Variants in UBAC2 observed in about 807,000 individuals in gnomAD.
UBAC2 encodes UBA domain containing 2, also known as ubiquitin-associated domain-containing protein 2.
Under a neutral mutation model 44.0 loss-of-function variants are expected in UBAC2, and 26 were observed. The ratio of observed to expected loss-of-function variants is 0.59; its 90% CI spans 0.43 to 0.82. The LOEUF (loss-of-function observed/expected upper bound fraction) is 0.82. UBAC2 is among the 40% of genes least tolerant of loss of function. The pLI, the probability that UBAC2 is intolerant of heterozygous loss-of-function variation, is 0.00. For synonymous variants in UBAC2, 155 were observed against 154.3 expected, an observed-to-expected ratio of 1.00 and a Z score of -0.04; for missense variants, 329 against 419.4, an observed-to-expected ratio of 0.78 and a Z score of 1.88.
chr13:99,296,815 A>G (rs999502968), intron 4 of UBAC2, among the ~76,000 whole-genome samples: 2 of 152,196 alleles, frequency 1.3e-5, no homozygotes, highest in Non-Finnish European at 2.9e-5. Context: ...AAGAAGAAAG[A>G]TAAAGAAAAT....
chr13:99,228,430 G>A (rs1054804300), intron 1 of UBAC2, among the ~76,000 whole-genome samples: 1 of 151,422 alleles, frequency 6.6e-6, no homozygotes, highest in African/African-American at 2.4e-5. Flanking sequence ...TGGGATTACA[G>A]GCTCCCCCGC....
At chr13:99,237,443 T>C (rs1373371480) in intron 1 of UBAC2, among the ~76,000 whole-genome samples, 1 of 152,036 alleles carries the variant, frequency 6.6e-6, no homozygotes, top group African/African-American at 2.4e-5. Context: ...GTGGATCTCA[T>C]GAAGACAGAG....
At chr13:99,201,436 G>T (rs2042797417) in intron 1 of UBAC2, 1 of 1,613,778 alleles carries the variant, frequency 6.2e-7, no homozygotes, top group Non-Finnish European at 8.5e-7. Flanking sequence ...CAGTCTCCAA[G>T]AAGAGTTTTT....
At chr13:99,216,940 C>T (rs1267429969) in intron 1 of UBAC2, among the ~76,000 whole-genome samples, 6 of 151,466 alleles carry the variant, frequency 4.0e-5, no homozygotes, top group African/African-American at 1.5e-4. Flanking sequence ...AAGTGATTCT[C>T]CTGCCTCAGC....
intron 2 of UBAC2, among the ~76,000 whole-genome samples, chr13:99,242,611 G>A (rs1441223704): frequency 1.4e-5 from 1 of 69,190 alleles, no homozygotes; most frequent in East Asian, 5.0e-4. Context: ...CTCCCAGACG[G>A]GGTGGCTGGC....
chr13:99,347,050 G>A (rs1163061719), intron 7 of UBAC2, among the ~76,000 whole-genome samples: 1 of 152,126 alleles, frequency 6.6e-6, no homozygotes, highest in Non-Finnish European at 1.5e-5. Flanking sequence ...AGCCCAGGCG[G>A]GCAGATTGCT....
chr13:99,287,774 C>T (rs2044039121), intron 4 of UBAC2, among the ~76,000 whole-genome samples: 2 of 151,736 alleles, frequency 1.3e-5, no homozygotes, highest in African/African-American at 4.8e-5. Context: ...CGTGAGCCAC[C>T]ACGTGCAGCC....
At chr13:99,358,392 A>G (rs1359515397) in intron 7 of UBAC2, among the ~76,000 whole-genome samples, 1 of 152,250 alleles carries the variant, frequency 6.6e-6, no homozygotes, top group Non-Finnish European at 1.5e-5. Flanking sequence ...AATCGAATGC[A>G]GAAGCAGATG....
chr13:99,267,825 G>T (rs2138658491), intron 4 of UBAC2, among the ~76,000 whole-genome samples: 1 of 152,308 alleles, frequency 6.6e-6, no homozygotes, highest in East Asian at 1.9e-4. Context: ...GGATATTTCA[G>T]TAATGGTGGA....
chr13:99,280,830 C>CCTCT (rs36041704), intron 4 of UBAC2, among the ~76,000 whole-genome samples: 19 of 109,082 alleles, frequency 1.7e-4, no homozygotes, highest in East Asian at 6.6e-4. Flanking sequence ...TTCTTCTTTC[C>CCTCT]CTCTCTCTCT....
chr13:99,259,311 G>GT (rs943163963), intron 4 of UBAC2, among the ~76,000 whole-genome samples: 6 of 143,764 alleles, frequency 4.2e-5, no homozygotes, highest in East Asian at 2.0e-4. Context: ...AAATGTATTT[G>GT]TTTTTTTGAA....
chr13:99,381,467 G>A (rs1441885491), intron 8 of UBAC2, among the ~76,000 whole-genome samples: 2 of 152,224 alleles, frequency 1.3e-5, no homozygotes. Context: ...AGTACTACAG[G>A]TAGTAGTAAA....
intron 2 of UBAC2, among the ~76,000 whole-genome samples, chr13:99,242,026 A>C (rs1263938740): frequency 6.6e-6 from 1 of 151,194 alleles, no homozygotes; most frequent in Non-Finnish European, 1.5e-5. Flanking sequence ...TGGACACAGC[A>C]CATGTTTCAG....
intron 4 of UBAC2, among the ~76,000 whole-genome samples, chr13:99,281,770 C>G (rs992076307): frequency 1.3e-5 from 2 of 152,178 alleles, no homozygotes; most frequent in Admixed American, 6.5e-5. Flanking sequence ...GTTTGAAGAT[C>G]TGTGCCTTCT....
intron 8 of UBAC2, chr13:99,376,892 T>C (rs1485434396): frequency 6.6e-6 from 1 of 152,200 alleles, no homozygotes; most frequent in Non-Finnish European, 1.5e-5. Context: ...AGAAAATTTC[T>C]TTGAGACATT....
rs185262983 is a variant in UBAC2, at chr13:99,291,504, T to C, written c.390-22593T>C. Among the ~76,000 whole-genome samples, 69 of 152,326 alleles carry C rather than the reference T, an allele frequency of 4.5e-4. 2 individuals are homozygous for C. The East Asian group carries it at 0.013, about 28-fold the overall frequency. On this transcript the variant is annotated intron_variant, in intron 4 of 8. Coordinates refer to ENST00000403766, the MANE Select transcript of UBAC2 (RefSeq NM_001144072.2). ...ACAATGGTCCAAAAAGTAACCAAAA[T>C]AGACCATTTTAAGGGCTAATTTAAG... is the stretch of plus-strand genomic sequence containing the variant.
intron 4 of UBAC2, among the ~76,000 whole-genome samples, chr13:99,265,715 C>G (rs956514049): frequency 6.6e-6 from 1 of 152,094 alleles, no homozygotes; most frequent in Non-Finnish European, 1.5e-5. Context: ...CATATGGATT[C>G]GACTGGTGTT....
At chr13:99,265,484 G>T (rs1042612852) in intron 4 of UBAC2, among the ~76,000 whole-genome samples, 2 of 152,204 alleles carry the variant, frequency 1.3e-5, no homozygotes, top group Non-Finnish European at 2.9e-5. Flanking sequence ...TTTGATTTAG[G>T]ATCAGTAATT....
intron 4 of UBAC2, among the ~76,000 whole-genome samples, chr13:99,247,838 A>G (rs1012984497): frequency 6.0e-5 from 9 of 151,252 alleles, no homozygotes; most frequent in African/African-American, 1.9e-4. Flanking sequence ...TGCACTCTCT[A>G]TAGTTCTTTA....
Sources: gnomAD v4.1 joint callset for allele counts (sites outside exome capture counted in the v4.1 genomes callset) on GRCh38, gnomAD v4.1.1 for gene constraint, MANE v1.5 for transcripts, NCBI Gene and HGNC (gene_info 2026-07-23, HGNC 2026-07-21) for gene names.